CUL5: variants seen among roughly 807,000 people sequenced by gnomAD.
CUL5 encodes the protein cullin 5.
A neutral mutation model predicts 108.8 loss-of-function variants in CUL5; 26 were observed. The observed-to-expected ratio is 0.24, with a 90% CI of 0.18 to 0.33. CUL5 has a LOEUF of 0.33. Ranked by LOEUF, CUL5 falls within the 10% of genes least tolerant of loss-of-function variation. CUL5 has a pLI of 1.00. For synonymous variants in CUL5, 334 were observed against 298.0 expected (o/e 1.12, Z -1.25); for missense variants, 524 against 909.2 (o/e 0.58, Z 5.45).
intron 1 of CUL5, among the ~76,000 whole-genome samples, chr11:108,011,867 C>T (rs1403699371): frequency 6.6e-6 from 1 of 152,218 alleles, no homozygotes; most frequent in African/African-American, 2.4e-5. Flanking sequence ...ACCTCATGAT[C>T]CACCCTCCTC....
intron 10 of CUL5, among the ~76,000 whole-genome samples, chr11:108,074,884 CGTGGT>C (rs1863908579): frequency 6.6e-6 from 1 of 151,960 alleles, no homozygotes. Context: ...ACATGGTGGG[CGTGGT>C]GTGAAGTCTT....
At chr11:108,101,113 G>A (rs1430134310) in intron 18 of CUL5, among the ~76,000 whole-genome samples, 1 of 152,218 alleles carries the variant, frequency 6.6e-6, no homozygotes, top group East Asian at 1.9e-4. Context: ...TTGTCTTAAT[G>A]TGACCCATAA....
intron 11 of CUL5, among the ~76,000 whole-genome samples, chr11:108,083,432 C>A (rs528037380): frequency 1.1e-4 from 16 of 152,240 alleles, no homozygotes; most frequent in South Asian, 4.1e-4. Flanking sequence ...GTGAGGATTG[C>A]TGGGTTTCTC....
At chr11:108,069,649 G>C (rs915105041) in intron 7 of CUL5, among the ~76,000 whole-genome samples, 1 of 152,142 alleles carries the variant, frequency 6.6e-6, no homozygotes, top group African/African-American at 2.4e-5. Flanking sequence ...ATTAGACAGT[G>C]ATCTCTTCGA....
intron 2 of CUL5, among the ~76,000 whole-genome samples, chr11:108,040,936 C>A (rs1862888014): frequency 6.6e-6 from 1 of 152,156 alleles, no homozygotes; most frequent in African/African-American, 2.4e-5. Flanking sequence ...CTAACTCCAC[C>A]CCCTTTTACC....
Position 108,104,547 on chromosome 11 carries a change from G to T in CUL5, c.*163G>T. 1 of 496,954 alleles carries T rather than the reference G, an allele frequency of 2.0e-6. No individual in the cohort carries two copies. The highest frequency in any genetic ancestry group is 3.5e-6 in the Non-Finnish European group (1 of 284,250). 30.8% of individuals were successfully genotyped at this position (496,954 alleles called of 1,614,324 possible). ...CAACTATATTTTGCCAATCACATTA[G>T]TTAGCATGATGGCATTCCCTTCATG... is the stretch of plus-strand genomic sequence containing the variant. On this transcript the variant is annotated 3_prime_UTR_variant, in exon 19 of 19. Coordinates refer to ENST00000393094, the MANE Select transcript of CUL5 (RefSeq NM_003478.6).
chr11:108,054,534 C>G lies in CUL5; in HGVS notation c.554-113C>G, dbSNP rs191236475. 398 of 683,946 alleles carry G rather than the reference C, an allele frequency of 5.8e-4. 2 individuals carry two copies. In the East Asian group the frequency reaches 0.011, roughly 19 times the overall value. The allele number at this position is 683,946 out of a possible 1,614,324, so 42.4% of individuals were successfully genotyped here. On this transcript the variant is annotated intron_variant, in intron 5 of 18. Transcript: ENST00000393094. ...TTTGTCTTATATAATTATATGTTCT[C>G]TTGAGCATTGTTACCTTGCACATAA...
At chr11:108,021,455 C>A (rs1862324571) in intron 1 of CUL5, among the ~76,000 whole-genome samples, 1 of 152,122 alleles carries the variant, frequency 6.6e-6, no homozygotes, top group Non-Finnish European at 1.5e-5. Flanking sequence ...GCAATAATAA[C>A]AAATTCTTTG....
intron 1 of CUL5, among the ~76,000 whole-genome samples, chr11:108,015,351 G>C (rs577242375): frequency 6.6e-5 from 10 of 152,218 alleles, no homozygotes; most frequent in Non-Finnish European, 1.3e-4. Context: ...GATCATGCTT[G>C]GCAAGGAATA....
Position 108,085,417 on chromosome 11 carries a change from G to A in CUL5, c.1179-3110G>A, listed in dbSNP as rs539999955. Among the ~76,000 whole-genome samples, 8 of 152,058 alleles carry A rather than the reference G, an allele frequency of 5.3e-5. No homozygotes were observed. In the South Asian group the frequency reaches 1.7e-3, roughly 32 times the overall value. On this transcript the variant is annotated intron_variant, in intron 11 of 18. Coordinates refer to ENST00000393094, the MANE Select transcript of CUL5 (RefSeq NM_003478.6). ...AAAAGTAGAATAAAAGTTACCAGGG[G>A]ATGGGGAAGGGGGGGATGGGAAGTT...
intron 10 of CUL5, among the ~76,000 whole-genome samples, chr11:108,076,563 T>C (rs1351319699): frequency 6.6e-6 from 1 of 152,216 alleles, no homozygotes; most frequent in South Asian, 2.1e-4. Flanking sequence ...GTCTGGCTTA[T>C]TTTTAAGGTC....
chr11:108,025,541 C>T (rs1862431980), intron 1 of CUL5, among the ~76,000 whole-genome samples: 1 of 152,144 alleles, frequency 6.6e-6, no homozygotes, highest in Non-Finnish European at 1.5e-5. Context: ...CCACTATAGA[C>T]TCAATAACTT....
chr11:108,038,743 T>C (rs747921369), intron 2 of CUL5, among the ~76,000 whole-genome samples: 2 of 152,144 alleles, frequency 1.3e-5, no homozygotes, highest in Non-Finnish European at 1.5e-5. Context: ...TATCGTCCTT[T>C]TAGGTAAAGG....
At chr11:108,062,762 C>A (rs1863572454) in intron 7 of CUL5, among the ~76,000 whole-genome samples, 1 of 152,000 alleles carries the variant, frequency 6.6e-6, no homozygotes, top group Non-Finnish European at 1.5e-5. Flanking sequence ...TATTTTTAAA[C>A]ATAAAATTAA....
rs776378518 is a variant in CUL5, at chr11:108,023,810, ATTTG to A, written c.25-9987_25-9984del. Among the ~76,000 whole-genome samples, 137 of 152,358 alleles carry A rather than the reference ATTTG, an allele frequency of 9.0e-4. 1 individual carries two copies. The highest frequency in any genetic ancestry group is 9.7e-4 in the Non-Finnish European group (66 of 68,022). ...TTCAAAAAATACAAGTATTGCTAGA[ATTTG>A]TTTGAAATTTTTTTCTTTTATAAAA... On this transcript the variant is annotated intron_variant, in intron 1 of 18. Coordinates refer to ENST00000393094, the MANE Select transcript of CUL5 (RefSeq NM_003478.6).
chr11:108,017,901 C>A (rs1363708070), intron 1 of CUL5, among the ~76,000 whole-genome samples: 1 of 152,102 alleles, frequency 6.6e-6, no homozygotes, highest in Non-Finnish European at 1.5e-5. Context: ...TTATTTACAA[C>A]AGAAAATAAT....
intron 1 of CUL5, among the ~76,000 whole-genome samples, chr11:108,015,537 G>A (rs1862162170): frequency 6.6e-6 from 1 of 152,150 alleles, no homozygotes. Context: ...GAGGGACATG[G>A]GCCTTAGAGC....
chr11:108,106,378 A>G lies in CUL5; in HGVS notation c.*1994A>G, dbSNP rs1016770662. ...GTCATTTAATTTAAGAATGAGAGTC[A>G]TGATGTTTTGATTTATGAAGGTGAA... On this transcript the variant is annotated 3_prime_UTR_variant, in exon 19 of 19. Transcript: ENST00000393094. The G allele has an allele frequency of 6.6e-6, 1 of 152,574 alleles. No homozygotes were observed. The highest frequency in any genetic ancestry group is 1.5e-5 in the Non-Finnish European group (1 of 67,998). The allele number at this position is 152,574 out of a possible 1,614,324, so 9.5% of individuals were successfully genotyped here. A position where few individuals can be genotyped will look rare whatever the true frequency, so the allele number is the denominator to read the frequency against.
intron 1 of CUL5, among the ~76,000 whole-genome samples, chr11:108,016,328 G>A (rs377221831): frequency 8.6e-5 from 13 of 152,042 alleles, no homozygotes; most frequent in African/African-American, 2.9e-4. Flanking sequence ...GTACAGTGGC[G>A]CAGTCACAGC....
Sources: allele counts gnomAD v4.1 joint callset (sites outside exome capture counted in the v4.1 genomes callset), GRCh38; gene constraint gnomAD v4.1.1; transcripts MANE v1.5; gene names NCBI Gene and HGNC (gene_info 2026-07-23, HGNC 2026-07-21).